The following PDE7A variants were observed in gnomAD, a reference collection of about 807,000 sequenced individuals.
PDE7A encodes phosphodiesterase 7A.
Under a neutral mutation model 64.3 loss-of-function variants are expected in PDE7A, and 39 were observed. That is an observed-to-expected ratio of 0.61 (90% CI 0.47 to 0.79). PDE7A has a LOEUF of 0.79. PDE7A is among the 30% of genes least tolerant of loss of function. PDE7A has a pLI of 0.00. For synonymous variants in PDE7A, 203 were observed against 206.8 expected, an observed-to-expected ratio of 0.98 and a Z score of 0.16; for missense variants, 470 against 582.8, an observed-to-expected ratio of 0.81 and a Z score of 1.99.
intron 1 of PDE7A, among the ~76,000 whole-genome samples, chr8:65,805,839 T>C (rs1810095819): frequency 6.6e-6 from 1 of 152,172 alleles, no homozygotes; most frequent in East Asian, 1.9e-4. Flanking sequence ...TGGGGGTAGG[T>C]TTGCACAGAC....
chr8:65,839,432 G>A lies in PDE7A; in HGVS notation c.138+1939C>T, dbSNP rs574873619. ...TTTCCTATTACAAATTCACATCTAG[G>A]CCTAAAGAAATCAATATCAACATAT... On this transcript the variant is annotated intron_variant, in intron 1 of 12. Coordinates refer to ENST00000401827, the MANE Select transcript of PDE7A (RefSeq NM_001242318.3). 6.0e-5 allele frequency among the ~76,000 whole-genome samples: 9 copies of A among 150,924 alleles called. No homozygotes were observed. The East Asian group carries it at 1.7e-3, about 29-fold the overall frequency.
At chr8:65,821,163 T>TA (rs1320065084) in intron 1 of PDE7A, among the ~76,000 whole-genome samples, 3 of 151,718 alleles carry the variant, frequency 2.0e-5, no homozygotes, top group South Asian at 2.1e-4. Context: ...TTTGACTTTT[T>TA]AAAAAAACAA....
intron 1 of PDE7A, among the ~76,000 whole-genome samples, chr8:65,783,679 CT>C (rs767856382): frequency 8.5e-5 from 13 of 152,200 alleles, no homozygotes; most frequent in Non-Finnish European, 1.3e-4. Flanking sequence ...AGAGCAGAAA[CT>C]TTGTCTATCT....
intron 1 of PDE7A, among the ~76,000 whole-genome samples, chr8:65,798,745 T>C (rs1254572078): frequency 1.3e-5 from 2 of 152,150 alleles, no homozygotes; most frequent in Admixed American, 6.5e-5. Context: ...TGTGGAGCAA[T>C]TAGAACGCTC....
chr8:65,727,392 G>C (rs1806655531), intron 7 of PDE7A, 91 bp from the exon 8 acceptor site: 12 of 1,542,864 alleles, frequency 7.8e-6, no homozygotes, highest in Non-Finnish European at 1.1e-5. Context: ...GCCAATGGTA[G>C]TGGTGGTAAT....
intron 1 of PDE7A, among the ~76,000 whole-genome samples, chr8:65,805,923 T>C (rs1441017966): frequency 6.6e-6 from 1 of 152,196 alleles, no homozygotes; most frequent in Non-Finnish European, 1.5e-5. Flanking sequence ...TACATCACTG[T>C]TTGAGCAAAA....
chr8:65,753,282 TA>T (rs1808053290), intron 3 of PDE7A, among the ~76,000 whole-genome samples: 1 of 152,206 alleles, frequency 6.6e-6, no homozygotes, highest in Non-Finnish European at 1.5e-5. Context: ...TTAATGGGGA[TA>T]AAAGGGAGGT....
At chr8:65,724,951 A>G (rs1280730255) in intron 9 of PDE7A, 30 bp from the exon 10 acceptor site, 35 of 1,483,002 alleles carry the variant, frequency 2.4e-5, no homozygotes, top group Non-Finnish European at 3.2e-5. Context: ...AAGAGAAAAT[A>G]TAAGACTTTC....
intron 1 of PDE7A, among the ~76,000 whole-genome samples, chr8:65,789,716 C>G (rs1057429574): frequency 2.0e-5 from 3 of 152,176 alleles, no homozygotes; most frequent in Admixed American, 2.0e-4. Flanking sequence ...TTCTATTCAT[C>G]CATCTTCATA....
intron 3 of PDE7A, among the ~76,000 whole-genome samples, chr8:65,751,946 C>T (rs1421172997): frequency 6.6e-6 from 1 of 152,150 alleles, no homozygotes; most frequent in Non-Finnish European, 1.5e-5. Context: ...CTTCCCTGTT[C>T]TTTTATAAGG....
chr8:65,803,089 A>G (rs529422223), intron 1 of PDE7A, among the ~76,000 whole-genome samples: 20 of 152,360 alleles, frequency 1.3e-4, no homozygotes, highest in Admixed American at 3.9e-4. Flanking sequence ...AAGCTTGCTG[A>G]ACCGTGAGCC....
chr8:65,776,731 T>C (rs1809270416), intron 3 of PDE7A, among the ~76,000 whole-genome samples: 1 of 152,232 alleles, frequency 6.6e-6, no homozygotes, highest in African/African-American at 2.4e-5. Context: ...CGTACTGACT[T>C]TGTATCCAGG....
intron 3 of PDE7A, among the ~76,000 whole-genome samples, chr8:65,769,216 C>G (rs1486049605): frequency 6.9e-6 from 1 of 145,614 alleles, no homozygotes; most frequent in Non-Finnish European, 1.5e-5. Flanking sequence ...CCACTGCACT[C>G]CAGCCTAGGT....
intron 1 of PDE7A, among the ~76,000 whole-genome samples, chr8:65,821,552 A>G (rs780985721): frequency 6.6e-6 from 1 of 152,252 alleles, no homozygotes; most frequent in Non-Finnish European, 1.5e-5. Context: ...AGAAATGTGT[A>G]TAACCCTGTA....
intron 6 of PDE7A, 94 bp from the exon 7 acceptor site, chr8:65,734,988 TTCATG>T (rs2128897695): frequency 1.3e-6 from 1 of 782,524 alleles, no homozygotes; most frequent in South Asian, 1.5e-5. Context: ...ACTCATACTT[TTCATG>T]TAGCTATCGG....
intron 1 of PDE7A, among the ~76,000 whole-genome samples, chr8:65,831,433 C>G (rs1810819082): frequency 6.6e-6 from 1 of 152,056 alleles, no homozygotes; most frequent in Non-Finnish European, 1.5e-5. Context: ...TTTTTACCTC[C>G]CAAAGCAAAT....
intron 1 of PDE7A, among the ~76,000 whole-genome samples, chr8:65,834,927 T>C (rs895044889): frequency 3.3e-5 from 5 of 152,224 alleles, no homozygotes; most frequent in African/African-American, 9.6e-5. Context: ...TTTTTGTTCC[T>C]CTCCTCATAT....
intron 5 of PDE7A, among the ~76,000 whole-genome samples, chr8:65,740,499 CA>C (rs1253392184): frequency 1.3e-5 from 2 of 152,126 alleles, no homozygotes; most frequent in Non-Finnish European, 1.5e-5. Context: ...CTCCTGAGTT[CA>C]AGCGATTCTC....
intron 4 of PDE7A, 95 bp from the exon 5 acceptor site, chr8:65,745,565 G>A (rs953024999): frequency 5.8e-6 from 4 of 685,484 alleles, no homozygotes; most frequent in African/African-American, 5.5e-5. Flanking sequence ...AATGTAAAGT[G>A]ATTGATTTAC....
Sources: gnomAD v4.1 joint callset for allele counts (sites outside exome capture counted in the v4.1 genomes callset) on GRCh38, gnomAD v4.1.1 for gene constraint, MANE v1.5 for transcripts, NCBI Gene and HGNC (gene_info 2026-07-23, HGNC 2026-07-21) for gene names.